NAALAD2: variants seen among roughly 807,000 people sequenced by gnomAD.
The protein encoded by NAALAD2 is N-acetylated-alpha-linked acidic dipeptidase 2.
A neutral mutation model predicts 95.6 loss-of-function variants in NAALAD2; 89 were observed. That is an observed-to-expected ratio of 0.93 (90% CI 0.78 to 1.11). The LOEUF is 1.11. Ranked by LOEUF, NAALAD2 falls within the 50% of genes least tolerant of loss-of-function variation. The pLI is 0.00. For missense variants in NAALAD2, 894 were observed against 872.4 expected (o/e 1.02, Z -0.31); for synonymous variants, 264 against 294.4 (o/e 0.90, Z 1.06).
At chr11:90,133,089 G>A (rs1277130420), upstream of NAALAD2, among the ~76,000 whole-genome samples, 1 of 152,242 alleles carries the variant, frequency 6.6e-6, no homozygotes, top group East Asian at 1.9e-4. Context: ...AAAAAGTTAT[G>A]TCCCAGAAAA....
Position 90,158,224 on chromosome 11 carries a change from A to G in NAALAD2, c.876A>G (p.Ala292=). The G allele has an allele frequency of 6.2e-7, 1 of 1,606,320 alleles. No individual in the cohort carries two copies. Residue 292 remains alanine, a synonymous_variant, in exon 7 of 19, where the codon GCA becomes GCG. Transcript: ENST00000534061. ...IPVHPIGYND[A]EILLRYLGGI... The stretch of plus-strand genomic sequence containing the variant: ...TACATCCCATTGGATATAATGATGC[A>G]GAAATATTATTACGGTATAGTTTTC...
rs1857341135 is a variant in NAALAD2 at position 90,191,946 on chromosome 11, T to C, written c.*199T>C. Reference sequence around the variant, plus strand: ...TAATTATATTAGCAAAGTGTTAATCTAATGAAGTAAAAAACTCCTGTGTGG... The same window carrying C: ...TAATTATATTAGCAAAGTGTTAATCCAATGAAGTAAAAAACTCCTGTGTGG... On this transcript the variant is annotated 3_prime_UTR_variant, in exon 19 of 19. Coordinates refer to ENST00000534061, the MANE Select transcript of NAALAD2 (RefSeq NM_005467.4). 3.0e-6 allele frequency: 1 copy of C among 336,376 alleles called. No homozygotes were observed. Among genetic ancestry groups the C allele is most frequent in the Non-Finnish European group, 5.3e-6 (1 of 189,922 alleles). 20.8% of individuals were successfully genotyped at this position (336,376 alleles called of 1,614,324 possible). A position where few individuals can be genotyped will look rare whatever the true frequency, so the allele number is the denominator to read the frequency against.
Position 90,159,222 on chromosome 11 carries a change from T to C in NAALAD2, c.891-17T>C, listed in dbSNP as rs537844409. On this transcript the variant is annotated splice_polypyrimidine_tract_variant and intron_variant, in intron 7 of 18. Coordinates refer to ENST00000534061, the MANE Select transcript of NAALAD2 (RefSeq NM_005467.4). Reference sequence around the variant, plus strand: ...TTGTGGTAGCCTTTTTCTGTCACTTTCATTTTATTTTGTCAGCTACTTGGG... The same window carrying C: ...TTGTGGTAGCCTTTTTCTGTCACTTCCATTTTATTTTGTCAGCTACTTGGG... 6.3e-7 allele frequency: 1 copy of C among 1,589,904 alleles called. No individual in the cohort carries two copies. Among genetic ancestry groups the C allele is most frequent in the Non-Finnish European group, 8.6e-7 (1 of 1,158,916 alleles).
chr11:90,166,726 T>G (rs1314171198), intron 11 of NAALAD2, among the ~76,000 whole-genome samples: 2 of 151,036 alleles, frequency 1.3e-5, no homozygotes, highest in African/African-American at 4.9e-5. Flanking sequence ...TCCCAGCTAC[T>G]CGGGAGGCTG....
chr11:90,154,748 G>A (rs987152484), intron 6 of NAALAD2, among the ~76,000 whole-genome samples: 3 of 149,836 alleles, frequency 2.0e-5, no homozygotes, highest in African/African-American at 7.3e-5. Context: ...GATCTATCTG[G>A]GCCTGAAGTG....
In NAALAD2 at chr11:90,146,343, ATTTTTTTTTTTTT is replaced by A. The variant is rs71477596; in HGVS notation, c.195-966_195-954del. ...GTTCTACTGATGGTGGGGGAGTTTA[ATTTTTTTTTTTTT>A]TTTTTTTTTTTTTTTTTTTTGTGAT... On this transcript the variant is annotated intron_variant, in intron 2 of 18. Coordinates refer to ENST00000534061, the MANE Select transcript of NAALAD2 (RefSeq NM_005467.4). 2.9e-4 allele frequency among the ~76,000 whole-genome samples: 14 copies of A among 47,954 alleles called. No homozygotes were observed. The South Asian group carries it at 4.4e-3, about 15-fold the overall frequency. The allele number at this position is 47,954 out of a possible 152,430, so 31.5% of individuals were successfully genotyped here.
At chr11:90,173,949 G>A (rs1952712810) in intron 14 of NAALAD2, 34 bp downstream of exon 14, 3 of 1,360,616 alleles carry the variant, frequency 2.2e-6, no homozygotes, top group Admixed American at 1.8e-5. Flanking sequence ...TCTACTGTAG[G>A]ATAAGTTATG....
intron 16 of NAALAD2, among the ~76,000 whole-genome samples, chr11:90,178,648 G>A (rs140651389): frequency 3.8e-4 from 58 of 150,940 alleles, no homozygotes; most frequent in African/African-American, 1.4e-3. Flanking sequence ...TCCAGCCTGG[G>A]CGACAGAGCA....
chr11:90,162,875 T>C, intron 8 of NAALAD2, 74 bp from the exon 9 acceptor site: 3 of 831,516 alleles, frequency 3.6e-6, no homozygotes, highest in Admixed American at 2.5e-5. Flanking sequence ...ATTATGAAAA[T>C]AGTTTTTTAT....
chr11:90,148,935 G>C (rs913677555), intron 3 of NAALAD2, 71 bp from the exon 4 acceptor site: 9 of 923,480 alleles, frequency 9.7e-6, no homozygotes, highest in African/African-American at 1.7e-5. Context: ...TATATACTTG[G>C]AGGCAAAATG....
intron 6 of NAALAD2, among the ~76,000 whole-genome samples, chr11:90,156,257 T>A (rs989916051): frequency 7.2e-5 from 11 of 152,104 alleles, no homozygotes; most frequent in Non-Finnish European, 2.9e-5. Flanking sequence ...GAGACAGCTC[T>A]TGCTATGCTA....
chr11:90,137,209 G>T (rs1339828597), intron 2 of NAALAD2, among the ~76,000 whole-genome samples: 2 of 151,994 alleles, frequency 1.3e-5, no homozygotes, highest in African/African-American at 4.8e-5. Flanking sequence ...AAACTAGAAG[G>T]GTAGTGAGGA....
chr11:90,157,855 G>C (rs1326704985), intron 6 of NAALAD2, among the ~76,000 whole-genome samples: 1 of 151,734 alleles, frequency 6.6e-6, no homozygotes, highest in Non-Finnish European at 1.5e-5. Context: ...CAAGTAGCTG[G>C]GCCTACAGGC....
At chr11:90,169,106 G>T (rs1420913426) in intron 12 of NAALAD2, 114 bp downstream of exon 12, 5 of 663,624 alleles carry the variant, frequency 7.5e-6, no homozygotes. Context: ...AGCTTATTAA[G>T]CACCTCAGAT....
chr11:90,163,960 T>C, intron 11 of NAALAD2: 1 of 400,852 alleles, frequency 2.5e-6, no homozygotes, highest in Non-Finnish European at 4.4e-6. Context: ...CTGATACAGA[T>C]GCTTAGAGCT....
In NAALAD2 at chr11:90,181,677, G is replaced by T. The variant is rs750832496; in HGVS notation, c.1916G>T (p.Arg639Leu). ...GAGGCTGCTTCAGATTTTCATAAAC[G>T]ACTTATACAAGTTGATCTTAACAAG... ...FSEAASDFHK[R>L]LIQVDLNNPI... is the part of the protein sequence containing the mutation. Residue 639 changes from arginine (R) to leucine (L), a missense_variant, in exon 17 of 19, where the codon CGA becomes CTA. Arg to Leu is a moderately radical substitution (Grantham distance 102, BLOSUM62 -2). Coordinates refer to ENST00000534061, the MANE Select transcript of NAALAD2 (RefSeq NM_005467.4). 9 of 1,591,280 alleles carry T rather than the reference G, an allele frequency of 5.7e-6. No individual in the cohort carries two copies. Among genetic ancestry groups the T allele is most frequent in the Non-Finnish European group, 7.7e-6 (9 of 1,165,968 alleles).
At position 90,183,004 on chromosome 11, in the gene NAALAD2, T is replaced by TAA. The variant is rs1401275895; in HGVS notation, c.2030_2031insAA (p.Tyr677Ter). ...DPLGLPGKLF[Y>*]RHIIFAPSSH... ...TCTTGGTTTACCAGGAAAGCTGTTC[T>TAA]ATAGGTAAGGAAACAACAGGCGCCA... Residue 677 changes from tyrosine (Y) to a stop codon, truncating the protein, a stop_gained and frameshift_variant, in exon 18 of 19, where the codon TAT (tyrosine) becomes TAAAT (stop). Coordinates refer to ENST00000534061, the MANE Select transcript of NAALAD2 (RefSeq NM_005467.4). LOFTEE classifies it high-confidence loss of function. 4 of 1,611,580 alleles carry TAA rather than the reference T, an allele frequency of 2.5e-6. No homozygotes were observed. Among genetic ancestry groups the TAA allele is most frequent in the Non-Finnish European group, 3.4e-6 (4 of 1,177,932 alleles).
At chr11:90,133,986 C>A (rs536905063), upstream of NAALAD2, among the ~76,000 whole-genome samples, 5 of 152,218 alleles carry the variant, frequency 3.3e-5, no homozygotes, top group South Asian at 1.0e-3. Flanking sequence ...GACCCCCTGG[C>A]TTCTTCGGTT....
Position 90,163,035 on chromosome 11 carries a change from G to A in NAALAD2, c.1075+1G>A. On this transcript the variant is annotated splice_donor_variant, in intron 9 of 18. Transcript: ENST00000534061. LOFTEE classifies it high-confidence loss of function. ...ACTATCAGAGGATCTGTGGAACCTGGTGAGTCACATAATTTTTTAAAACAT... is the reference window on the plus strand; with the variant it reads ...ACTATCAGAGGATCTGTGGAACCTGATGAGTCACATAATTTTTTAAAACAT... The A allele has an allele frequency of 6.5e-7, 1 of 1,536,622 alleles. No homozygotes were observed. The highest frequency in any genetic ancestry group is 1.2e-5 in the South Asian group (1 of 80,450).
Sources: gnomAD v4.1 joint callset for allele counts (sites outside exome capture counted in the v4.1 genomes callset) on GRCh38, gnomAD v4.1.1 for gene constraint, MANE v1.5 for transcripts, NCBI Gene and HGNC (gene_info 2026-07-23, HGNC 2026-07-21) for gene names.